Variants in ITGBL1 observed in about 807,000 individuals in gnomAD.
ITGBL1 encodes integrin subunit beta like 1.
A neutral mutation model predicts 68.5 loss-of-function variants in ITGBL1; 51 were observed. The observed-to-expected ratio is 0.74, with a 90% confidence interval of 0.59 to 0.94. The LOEUF is 0.94. ITGBL1 is among the 40% of genes least tolerant of loss of function. The pLI, the probability that ITGBL1 is intolerant of heterozygous loss-of-function variation, is 0.00. For synonymous variants in ITGBL1, 209 were observed against 227.3 expected (o/e 0.92, Z 0.72); for missense variants, 649 against 647.4 (o/e 1.00, Z -0.03).
chr13:101,665,287 T>C (rs942301566), intron 7 of ITGBL1, among the ~76,000 whole-genome samples: 20 of 152,228 alleles, frequency 1.3e-4, no homozygotes, highest in African/African-American at 4.8e-4. Context: ...TCCTTTTTAT[T>C]TGTATATTTT....
At chr13:101,546,235 G>C (rs910925025) in intron 2 of ITGBL1, among the ~76,000 whole-genome samples, 1 of 152,076 alleles carries the variant, frequency 6.6e-6, no homozygotes, top group Non-Finnish European at 1.5e-5. Context: ...ATTCAGGGTG[G>C]TTGGTGCAAT....
At chr13:101,615,636 A>G (rs1436965779) in intron 7 of ITGBL1, among the ~76,000 whole-genome samples, 2 of 151,974 alleles carry the variant, frequency 1.3e-5, no homozygotes, top group African/African-American at 4.8e-5. Flanking sequence ...CTCTTACAAA[A>G]GAGACCCCAG....
At chr13:101,456,481 T>G (rs187012002) in intron 2 of ITGBL1, among the ~76,000 whole-genome samples, 1 of 152,364 alleles carries the variant, frequency 6.6e-6, no homozygotes, top group African/African-American at 2.4e-5. Flanking sequence ...TTCCTATGTT[T>G]ATGTGCCCCT....
chr13:101,544,292 G>T (rs1214414613), intron 2 of ITGBL1, among the ~76,000 whole-genome samples: 1 of 152,208 alleles, frequency 6.6e-6, no homozygotes, highest in Non-Finnish European at 1.5e-5. Flanking sequence ...TCAGCTGCAG[G>T]TCTGTTGGAG....
intron 2 of ITGBL1, among the ~76,000 whole-genome samples, chr13:101,470,523 C>T (rs1484291503): frequency 3.3e-5 from 5 of 152,008 alleles, no homozygotes; most frequent in Non-Finnish European, 1.5e-5. Flanking sequence ...TGTTAAAGCA[C>T]AATGAAATAA....
chr13:101,602,501 CAA>C (rs1475966472), intron 7 of ITGBL1, among the ~76,000 whole-genome samples: 5 of 152,000 alleles, frequency 3.3e-5, no homozygotes, highest in Admixed American at 2.0e-4. Flanking sequence ...AGAAAGGAAA[CAA>C]AGACTTTCTT....
chr13:101,610,803 CG>C (rs1314289191), intron 7 of ITGBL1, among the ~76,000 whole-genome samples: 2 of 151,968 alleles, frequency 1.3e-5, no homozygotes, highest in African/African-American at 4.8e-5. Flanking sequence ...ACAAATATGT[CG>C]GGAGAAGGGA....
chr13:101,717,617 T>G (rs143875764), downstream of ITGBL1: 5 of 152,164 alleles, frequency 3.3e-5, no homozygotes, highest in African/African-American at 9.7e-5. Context: ...CTATTAAGGA[T>G]CAGAAAGTTA....
intron 7 of ITGBL1, among the ~76,000 whole-genome samples, chr13:101,628,992 T>C (rs1013874116): frequency 1.3e-5 from 2 of 152,140 alleles, no homozygotes; most frequent in Admixed American, 1.3e-4. Flanking sequence ...ATGAGTGATA[T>C]TGACCAAAAA....
At chr13:101,584,760 C>T (rs1031063976) in intron 6 of ITGBL1, among the ~76,000 whole-genome samples, 1 of 151,872 alleles carries the variant, frequency 6.6e-6, no homozygotes, top group Non-Finnish European at 1.5e-5. Flanking sequence ...TAAAAGAGCT[C>T]ATGACTAGTG....
chr13:101,663,560 C>T (rs950193733), intron 7 of ITGBL1, among the ~76,000 whole-genome samples: 1 of 152,168 alleles, frequency 6.6e-6, no homozygotes, highest in Non-Finnish European at 1.5e-5. Context: ...TCCACCATTT[C>T]TTGTGCATAT....
chr13:101,624,931 G>A (rs546496340), intron 7 of ITGBL1, among the ~76,000 whole-genome samples: 5 of 152,276 alleles, frequency 3.3e-5, no homozygotes, highest in African/African-American at 1.2e-4. Context: ...CAAATTAAAA[G>A]AGGTTTTGCG....
intron 2 of ITGBL1, among the ~76,000 whole-genome samples, chr13:101,511,802 A>C (rs1205433369): frequency 6.6e-6 from 1 of 152,152 alleles, no homozygotes; most frequent in Admixed American, 6.6e-5. Flanking sequence ...CCTGAGTGGA[A>C]TACCCACCTA....
intron 7 of ITGBL1, among the ~76,000 whole-genome samples, chr13:101,662,081 C>G (rs1458440760): frequency 1.3e-5 from 2 of 152,112 alleles, no homozygotes; most frequent in Admixed American, 6.6e-5. Context: ...ATTCTTTGTT[C>G]TCTTTTATTG....
intron 7 of ITGBL1, among the ~76,000 whole-genome samples, chr13:101,667,024 G>A (rs745739993): frequency 3.3e-5 from 5 of 152,166 alleles, no homozygotes; most frequent in Non-Finnish European, 7.3e-5. Flanking sequence ...CCTTGACAGG[G>A]CTTATAGGAT....
chr13:101,465,760 G>T (rs2048374599), intron 2 of ITGBL1, among the ~76,000 whole-genome samples: 1 of 152,146 alleles, frequency 6.6e-6, no homozygotes. Context: ...GAAGGTATGA[G>T]GTTGAGGATC....
At chr13:101,547,980 G>A (rs1292280034) in intron 2 of ITGBL1, among the ~76,000 whole-genome samples, 1 of 151,104 alleles carries the variant, frequency 6.6e-6, no homozygotes, top group East Asian at 1.9e-4. Flanking sequence ...AAGAGATAAA[G>A]CAAACTCTAA....
chr13:101,507,385 T>C (rs867500630), intron 2 of ITGBL1, among the ~76,000 whole-genome samples: 6 of 152,200 alleles, frequency 3.9e-5, no homozygotes, highest in African/African-American at 1.4e-4. Context: ...TACAAATAAA[T>C]GCTTTTATTT....
At chr13:101,476,334 G>C (rs1030297811) in intron 2 of ITGBL1, among the ~76,000 whole-genome samples, 9 of 151,772 alleles carry the variant, frequency 5.9e-5, no homozygotes, top group African/African-American at 2.2e-4. Context: ...TCCAAAAACT[G>C]ACAGATAAAA....
Sources: allele counts gnomAD v4.1 joint callset (sites outside exome capture counted in the v4.1 genomes callset), GRCh38; gene constraint gnomAD v4.1.1; transcripts MANE v1.5; gene names NCBI Gene and HGNC (gene_info 2026-07-23, HGNC 2026-07-21).